PLXNA3: variants seen among roughly 807,000 people sequenced by gnomAD.
PLXNA3 encodes plexin A3.
In PLXNA3, 52 loss-of-function variants were observed where a neutral mutation model predicts 118.8. The ratio of observed to expected loss-of-function variants is 0.44; its 90% CI spans 0.35 to 0.55. The LOEUF is 0.55. Among genes scored for constraint, PLXNA3 ranks in the 20% least tolerant of loss-of-function variants. The pLI is 0.01. For missense variants in PLXNA3, 1,660 were observed against 1,730.8 expected, an observed-to-expected ratio of 0.96 and a Z score of 0.73; for synonymous variants, 925 against 762.4, an observed-to-expected ratio of 1.21 and a Z score of -3.51.
chrX:154,467,503 G>GGGGGGGGGGGGGGGGGC, intron 19 of PLXNA3, 32 bp downstream of exon 19: 1 of 919,129 alleles, frequency 1.1e-6, no homozygotes, highest in Non-Finnish European at 1.5e-6. Flanking sequence ...GGAGGGGCGG[G>GGGGGGGGGGGGGGGGGC]AAAGTGGAGA....
At position 154,469,191 on chromosome X, in the gene PLXNA3, C is replaced by T; in HGVS notation, c.4570C>T (p.Pro1524Ser). 1.7e-6 allele frequency: 2 copies of T among 1,211,203 alleles called. No individual in the cohort carries two copies. The highest frequency in any genetic ancestry group is 2.2e-6 in the Non-Finnish European group (2 of 895,384). Reference sequence around the variant, plus strand: ...CAAGGGCATTCCGTACTCCCAGCGTCCCAAAGCTGAGGACATGGACCTGGG... The same window carrying T: ...CAAGGGCATTCCGTACTCCCAGCGTTCCAAAGCTGAGGACATGGACCTGGG... ...VYKGIPYSQR[P>S]KAEDMDLEWR... Residue 1524 changes from proline (P) to serine (S), a missense_variant, in exon 26 of 33, where the codon CCC becomes TCC. By Grantham distance (74) the Pro-to-Ser change is moderately conservative. This residue lies in a region of PLXNA3 where 869 missense variants were observed against 1,078.7 expected (regional missense o/e 0.81). Coordinates refer to ENST00000369682, the MANE Select transcript of PLXNA3 (RefSeq NM_017514.5).
In PLXNA3 at chrX:154,464,925, G is replaced by A. The variant is rs1025755401; in HGVS notation, c.2043+57G>A. 36 of 1,067,617 alleles carry A rather than the reference G, an allele frequency of 3.4e-5. No homozygotes were observed. The African/African-American group carries it at 5.6e-4, about 17-fold the overall frequency. The allele number at this position is 1,067,617 out of a possible 1,213,427, so 88.0% of individuals were successfully genotyped here. ...CTCTGTGGTGCGGGCGGGGCCACCG[G>A]CTTCTATGCGTTCTCGGTTTCTTTG... On this transcript the variant is annotated intron_variant, in intron 10 of 32. Coordinates refer to ENST00000369682, the MANE Select transcript of PLXNA3 (RefSeq NM_017514.5).
In PLXNA3 at chrX:154,469,197, G is replaced by C. The variant is rs202079163; in HGVS notation, c.4576G>C (p.Ala1526Pro). 1.7e-6 allele frequency: 2 copies of C among 1,211,006 alleles called. No homozygotes were observed. Among genetic ancestry groups the C allele is most frequent in the Non-Finnish European group, 2.2e-6 (2 of 895,223 alleles). Residue 1526 changes from alanine to proline, a missense_variant, in exon 26 of 33, where the codon GCT becomes CCT. Physicochemically the swap from Ala to Pro is conservative, Grantham distance 27. Coordinates refer to ENST00000369682, the MANE Select transcript of PLXNA3 (RefSeq NM_017514.5). ...KGIPYSQRPKAEDMDLEWRQG... is the reference protein window; with the variant it reads ...KGIPYSQRPKPEDMDLEWRQG... ...CATTCCGTACTCCCAGCGTCCCAAA[G>C]CTGAGGACATGGACCTGGGTGAGGT...
chrX:154,471,115 C>T lies in PLXNA3; in HGVS notation c.5167C>T (p.Arg1723Cys), dbSNP rs782704287. 1 of 1,210,141 alleles carries T rather than the reference C, an allele frequency of 8.3e-7. No individual in the cohort carries two copies. Among genetic ancestry groups the T allele is most frequent in the Admixed American group, 2.2e-5 (1 of 45,986 alleles). ...HTWKSNCLPL[R>C]FWVNVIKNPQ... ...CTCTGTTGTCCACAGCCTGCCGCTG[C>T]GCTTCTGGGTGAATGTGATCAAGAA... is the stretch of plus-strand genomic sequence containing the variant. Residue 1723 changes from arginine to cysteine, a missense_variant, in exon 31 of 33, where the codon CGC becomes TGC. Arg to Cys is a radical substitution (Grantham distance 180, BLOSUM62 -3). Coordinates refer to ENST00000369682, the MANE Select transcript of PLXNA3 (RefSeq NM_017514.5).
chrX:154,461,539 C>T lies in PLXNA3; in HGVS notation c.1035C>T (p.Ile345=), dbSNP rs782460522. Residue 345 remains isoleucine (I), a synonymous_variant, in exon 3 of 33, where the codon ATC becomes ATT. Coordinates refer to ENST00000369682, the MANE Select transcript of PLXNA3 (RefSeq NM_017514.5). ...TILCLFTLSN[I]NAHIRRRIQS... Reference sequence around the variant, plus strand: ...TCTGCCTCTTCACCCTCAGCAACATCAATGCCCACATCCGGCGCCGCATCC... The same window carrying T: ...TCTGCCTCTTCACCCTCAGCAACATTAATGCCCACATCCGGCGCCGCATCC... 8.3e-7 allele frequency: 1 copy of T among 1,210,921 alleles called. No homozygotes were observed. Among genetic ancestry groups the T allele is most frequent in the Non-Finnish European group, 1.1e-6 (1 of 895,176 alleles).
At chrX:154,459,315 G>A (rs2068896689) in intron 1 of PLXNA3, among the ~76,000 whole-genome samples, 1 of 111,289 alleles carries the variant, frequency 9.0e-6, no homozygotes, top group African/African-American at 3.3e-5. Context: ...GTGTGGCCTG[G>A]GGACTAAGTG....
In PLXNA3 at chrX:154,468,957, C is replaced by T; in HGVS notation, c.4422C>T (p.Asp1474=). The T allele has an allele frequency of 8.3e-7, 1 of 1,211,946 alleles. No individual in the cohort carries two copies. Among genetic ancestry groups the T allele is most frequent in the South Asian group, 1.8e-5 (1 of 57,028 alleles). ...SEDKLIRQQI[D]YKTLTLHCVC... ...ACAAGCTCATCCGTCAGCAGATCGA[C>T]TACAAGACACTGGTGAGCGCAGGGC... The change falls in exon 25 of 33, where the codon GAC becomes GAT. Residue 1474 remains aspartate, a synonymous_variant. Transcript: ENST00000369682.
chrX:154,459,426 A>G (rs782434512), intron 1 of PLXNA3, among the ~76,000 whole-genome samples: 3 of 112,122 alleles, frequency 2.7e-5, no homozygotes, highest in South Asian at 7.4e-4. Flanking sequence ...CTGGGACTCC[A>G]AAGGGCAGGT....
chrX:154,469,558 G>A, intron 27 of PLXNA3, 76 bp downstream of exon 27: 1 of 983,631 alleles, frequency 1.0e-6, no homozygotes, highest in Non-Finnish European at 1.4e-6. Context: ...GCAGGACACG[G>A]GAGCAGTGGC....
rs1282033594 is a variant in PLXNA3 at position 154,472,898 on chromosome X, C to G, written c.*213C>G. On this transcript the variant is annotated 3_prime_UTR_variant, in exon 33 of 33. Transcript: ENST00000369682. ...GGGGGAGGGGTGACAGGGCGAGCCCCCACCCCAGCAGCAGCAATACCCCCA... is the reference window on the plus strand; with the variant it reads ...GGGGGAGGGGTGACAGGGCGAGCCCGCACCCCAGCAGCAGCAATACCCCCA... The G allele has an allele frequency of 1.8e-5, 7 of 392,605 alleles. No homozygotes were observed. The highest frequency in any genetic ancestry group is 8.3e-5 in the Admixed American group (2 of 23,962). 32.4% of individuals were successfully genotyped at this position (392,605 alleles called of 1,213,427 possible).
rs1463217812 is a variant in PLXNA3, at chrX:154,462,211, G to A, written c.1218G>A (p.Leu406=). The change falls in exon 4 of 33, where the codon CTG becomes CTA. Residue 406 remains leucine (L), a synonymous_variant. Transcript: ENST00000369682. ...TGCATGTGATCGAGGGGCTGCCCCT[G>A]CTGGCCGACAGCACCGACGGCATGG... ...GGLHVIEGLP[L]LADSTDGMAS... 1.7e-6 allele frequency: 2 copies of A among 1,203,678 alleles called. No individual in the cohort carries two copies. Among genetic ancestry groups the A allele is most frequent in the African/African-American group, 1.7e-5 (1 of 57,211 alleles).
intron 31 of PLXNA3, 74 bp downstream of exon 31, chrX:154,471,391 A>G: frequency 9.6e-6 from 11 of 1,150,844 alleles, no homozygotes; most frequent in Non-Finnish European, 1.3e-5. Context: ...GAGGCAGGCC[A>G]GCTACAGGCA....
At position 154,464,476 on chromosome X, in the gene PLXNA3, T is replaced by C; in HGVS notation, c.1903T>C (p.Phe635Leu). ...GVRFAGADFV[F>L]YNCSVLQSCM... ...GAGGTTTGCCGGTGCTGACTTTGTC[T>C]TCTACAACTGCAGCGTCCTCCAGTC... The change falls in exon 9 of 33, where the codon TTC becomes CTC. Residue 635 changes from phenylalanine to leucine, a missense_variant. Around this residue, in one of 2 missense-constraint regions of PLXNA3, gnomAD observed 791 missense variants for 652.1 expected, o/e 1.21. Coordinates refer to ENST00000369682, the MANE Select transcript of PLXNA3 (RefSeq NM_017514.5). 1.7e-6 allele frequency: 2 copies of C among 1,208,992 alleles called. No individual in the cohort carries two copies. Among genetic ancestry groups the C allele is most frequent in the Non-Finnish European group, 2.2e-6 (2 of 892,979 alleles).
rs1557206190 is a variant in PLXNA3, at chrX:154,464,405, C to T, written c.1832C>T (p.Ala611Val). 8.3e-7 allele frequency: 1 copy of T among 1,208,455 alleles called. No homozygotes were observed. The highest frequency in any genetic ancestry group is 1.1e-6 in the Non-Finnish European group (1 of 893,291). The stretch of plus-strand genomic sequence containing the variant: ...GGCCACCCCGGGACTGCTGCAGGGG[C>T]CACCCGCACTGTGCGGCTGCAGCTT... ...ELRALTRGHG[A>V]TRTVRLQLLS... The change falls in exon 9 of 33, where the codon GCC becomes GTC. Residue 611 changes from alanine to valine, a missense_variant. Ala to Val is a moderately conservative substitution (Grantham distance 64, BLOSUM62 0). Around this residue, in one of 2 missense-constraint regions of PLXNA3, gnomAD observed 791 missense variants for 652.1 expected, o/e 1.21. Transcript: ENST00000369682.
chrX:154,462,481 C>T (rs1557205137), intron 4 of PLXNA3, among the ~76,000 whole-genome samples, 171 bp downstream of exon 4: 4 of 111,952 alleles, frequency 3.6e-5, no homozygotes, highest in Non-Finnish European at 1.9e-5. Context: ...CTCCTCGGGT[C>T]GCCCCTTGGC....
Position 154,473,996 on chromosome X carries a change from T to C in PLXNA3, c.*1311T>C, listed in dbSNP as rs1201647545. The stretch of plus-strand genomic sequence containing the variant: ...AGGTGGATCATGTTGCCTCACTGTT[T>C]AGAACCCTCCGGCGGTTTCAGCTGC... On this transcript the variant is annotated 3_prime_UTR_variant, in exon 33 of 33. Coordinates refer to ENST00000369682, the MANE Select transcript of PLXNA3 (RefSeq NM_017514.5). 1 of 111,513 alleles carries C rather than the reference T, an allele frequency of 9.0e-6. No homozygotes were observed. The highest frequency in any genetic ancestry group is 1.9e-5 in the Non-Finnish European group (1 of 53,068). 9.2% of individuals were successfully genotyped at this position (111,513 alleles called of 1,213,427 possible). A position where few individuals can be genotyped will look rare whatever the true frequency, so the allele number is the denominator to read the frequency against.
At position 154,469,091 on chromosome X, in the gene PLXNA3, C is replaced by T. The variant is rs201820066; in HGVS notation, c.4470C>T (p.Ser1490=). The T allele has an allele frequency of 4.8e-5, 58 of 1,210,161 alleles. 1 individual carries two copies. In the Middle Eastern group the frequency reaches 1.4e-3, roughly 29 times the overall value. ...GCGTGTGTCCGGAGAACGAGGGCAGCGCCCAGGTCCCAGTGAAGGTTCTCA... is the reference window on the plus strand; with the variant it reads ...GCGTGTGTCCGGAGAACGAGGGCAGTGCCCAGGTCCCAGTGAAGGTTCTCA... The part of the protein sequence containing the change: ...LHCVCPENEG[S]AQVPVKVLNC... The change falls in exon 26 of 33, where the codon AGC becomes AGT. Residue 1490 remains serine (S), a synonymous_variant. Transcript: ENST00000369682.
Position 154,461,269 on chromosome X carries a change from G to A in PLXNA3, c.765G>A (p.Glu255=). 1 of 1,212,537 alleles carries A rather than the reference G, an allele frequency of 8.2e-7. No individual in the cohort carries two copies. Among genetic ancestry groups the A allele is most frequent in the Admixed American group, 2.2e-5 (1 of 46,187 alleles). ...TQQTLLDTAG[E]KFFTSKIVRM... Reference sequence around the variant, plus strand: ...AGACGCTGTTGGACACAGCGGGCGAGAAATTTTTCACGTCCAAGATCGTGC... The same window carrying A: ...AGACGCTGTTGGACACAGCGGGCGAAAAATTTTTCACGTCCAAGATCGTGC... Residue 255 remains glutamate, a synonymous_variant, in exon 3 of 33, where the codon GAG becomes GAA. Coordinates refer to ENST00000369682, the MANE Select transcript of PLXNA3 (RefSeq NM_017514.5).
chrX:154,460,422 C>A lies in PLXNA3; in HGVS notation c.239C>A (p.Pro80His). 1 of 1,203,335 alleles carries A rather than the reference C, an allele frequency of 8.3e-7. No individual in the cohort carries two copies. The highest frequency in any genetic ancestry group is 1.1e-6 in the Non-Finnish European group (1 of 890,209). The change falls in exon 2 of 33, where the codon CCC (proline) becomes CAC (histidine). Residue 80 changes from proline to histidine, a missense_variant. Pro to His is a moderately conservative substitution (Grantham distance 77). Transcript: ENST00000369682. The stretch of plus-strand genomic sequence containing the variant: ...GAGGACAACGCTCGCTGCTACCCGC[C>A]CCCCAGCATGCGCGTGTGTGCCCAC... ...PVEDNARCYP[P>H]PSMRVCAHRL... is the part of the protein sequence containing the mutation.
Sources: allele counts gnomAD v4.1 joint callset (sites outside exome capture counted in the v4.1 genomes callset), GRCh38; gene constraint gnomAD v4.1.1; regional missense constraint gnomAD v4.1.1; transcripts MANE v1.5; gene names NCBI Gene and HGNC (gene_info 2026-07-23, HGNC 2026-07-21).